The following CFAP119 variants were observed in gnomAD, a reference collection of about 807,000 sequenced individuals.
The protein encoded by CFAP119 is cilia and flagella associated protein 119.
chr16:30,757,659 A>G, the CFAP119 span: 980 of 1,607,738 alleles, frequency 6.1e-4, 9 homozygotes, highest in South Asian at 0.01. Flanking sequence ...TGTGGCCTGC[A>G]GGGGCAGGGA....
At chr16:30,761,418 C>G in the CFAP119 span, 1 of 1,421,900 alleles carries the variant, frequency 7.0e-7, no homozygotes, top group African/African-American at 1.4e-5. Context: ...GGTCACACAC[C>G]CCTGCCTCTC....
the CFAP119 span, chr16:30,760,229 C>T: frequency 6.2e-7 from 1 of 1,613,214 alleles, no homozygotes. Flanking sequence ...TCACTTGTGC[C>T]AGGCCCGGTT....
the CFAP119 span, chr16:30,761,838 G>A: frequency 1.6e-6 from 2 of 1,262,692 alleles, no homozygotes; most frequent in Admixed American, 2.7e-5. Context: ...TACCAAGGCC[G>A]GGCCCGTTCG....
the CFAP119 span, chr16:30,761,656 A>G: frequency 6.5e-7 from 1 of 1,535,848 alleles, no homozygotes; most frequent in Non-Finnish European, 8.7e-7. Flanking sequence ...CTGAGCTGCG[A>G]TCCTTCCCCG....
the CFAP119 span, chr16:30,760,960 A>G: frequency 3.8e-5 from 23 of 612,610 alleles, no homozygotes; most frequent in South Asian, 4.4e-4. Context: ...CCTCTGTACA[A>G]TACTCCTTAG....
chr16:30,760,210 T>C, the CFAP119 span: 3 of 1,611,498 alleles, frequency 1.9e-6, no homozygotes, highest in South Asian at 3.3e-5. Context: ...CTGCTTCTGC[T>C]TCCCATGGTC....
chr16:30,760,031 C>G, the CFAP119 span: 30 of 1,496,166 alleles, frequency 2.0e-5, no homozygotes, highest in South Asian at 2.6e-5. Flanking sequence ...CATTCTAAAG[C>G]AGGTGTTATT....
the CFAP119 span, chr16:30,761,609 C>T: frequency 6.5e-7 from 1 of 1,536,180 alleles, no homozygotes. Flanking sequence ...CCACTGAGTC[C>T]GCACACTCGC....
chr16:30,758,326 C>T, the CFAP119 span: 1 of 153,088 alleles, frequency 6.5e-6, no homozygotes, highest in African/African-American at 2.4e-5. Flanking sequence ...CTGCCTCAGC[C>T]TCCCAAAGTG....
the CFAP119 span, chr16:30,759,341 C>T: frequency 6.2e-6 from 10 of 1,613,500 alleles, no homozygotes; most frequent in Non-Finnish European, 6.8e-6. Context: ...CCACCCCCTA[C>T]CTGGGGTGTG....
the CFAP119 span, chr16:30,758,434 G>GT: frequency 2.3e-3 from 362 of 157,278 alleles, 1 homozygote; most frequent in Non-Finnish European, 3.7e-3. Context: ...GGTTTGCTAC[G>GT]TAGGTATACA....
the CFAP119 span, chr16:30,760,250 C>T: frequency 3.1e-6 from 5 of 1,613,968 alleles, no homozygotes; most frequent in East Asian, 2.2e-5. Flanking sequence ...CCTCTTCTCC[C>T]TGGGGCTCAA....
the CFAP119 span, chr16:30,759,942 CGAAGCTTAT>C: frequency 6.9e-7 from 1 of 1,441,620 alleles, no homozygotes; most frequent in African/African-American, 1.4e-5. Context: ...CCTGCCCTTA[CGAAGCTTAT>C]ATTCTAGGGG....
chr16:30,760,744 C>T, the CFAP119 span: 16 of 1,378,636 alleles, frequency 1.2e-5, no homozygotes, highest in Non-Finnish European at 1.5e-5. Context: ...GTGCGTGAGA[C>T]TGGGAGTTGG....
At chr16:30,758,501 T>G in the CFAP119 span, 1 of 188,462 alleles carries the variant, frequency 5.3e-6, no homozygotes, top group African/African-American at 2.4e-5. Context: ...TAAGCCACCG[T>G]CATTGGCTTT....
the CFAP119 span, chr16:30,759,346 G>T: frequency 1.9e-6 from 3 of 1,613,632 alleles, no homozygotes; most frequent in African/African-American, 2.7e-5. Context: ...CCCTACCTGG[G>T]GTGTGAAGAC....
the CFAP119 span, chr16:30,761,441 G>T: frequency 6.7e-7 from 1 of 1,490,066 alleles, no homozygotes; most frequent in Non-Finnish European, 9.1e-7. Flanking sequence ...CGCCCAAGCA[G>T]CCCGGGAGAC....
At chr16:30,757,489 C>A in the CFAP119 span, 1 of 1,613,656 alleles carries the variant, frequency 6.2e-7, no homozygotes, top group South Asian at 1.1e-5. Context: ...CTTGGTCTTG[C>A]TCTTGCCTTT....
chr16:30,757,709 G>T, the CFAP119 span: 1 of 1,551,868 alleles, frequency 6.4e-7, no homozygotes, highest in Non-Finnish European at 8.7e-7. Context: ...CTGGCAATGG[G>T]GGGATGGTCC....
Sources: gnomAD v4.1 joint callset for allele counts on GRCh38, gnomAD v4.1.1 for gene constraint, MANE v1.5 for transcripts, NCBI Gene and HGNC (gene_info 2026-07-23, HGNC 2026-07-21) for gene names.